Variants in PPP1R7 observed in about 807,000 individuals in gnomAD.
PPP1R7 encodes the protein protein phosphatase 1 regulatory subunit 7.
A neutral mutation model predicts 45.2 loss-of-function variants in PPP1R7; 18 were observed. The observed-to-expected ratio is 0.40, with a 90% CI of 0.28 to 0.59. The LOEUF is 0.59. Among genes scored for constraint, PPP1R7 ranks in the 20% least tolerant of loss-of-function variants. The probability of loss-of-function intolerance (pLI) is 0.46; values close to 1 mark genes in which losing one functional copy is unlikely to be tolerated. For missense variants in PPP1R7, 314 were observed against 455.8 expected (o/e 0.69, Z 2.83); for synonymous variants, 181 against 183.4 (o/e 0.99, Z 0.11).
intron 9 of PPP1R7, among the ~76,000 whole-genome samples, chr2:241,177,294 G>T (rs1402436743): frequency 6.6e-6 from 1 of 151,938 alleles, no homozygotes; most frequent in African/African-American, 2.4e-5. Flanking sequence ...GCACGCGCCT[G>T]TAGTCACCAC....
In PPP1R7 at chr2:241,183,430, G is replaced by C. The variant is rs573360708; in HGVS notation, c.*607G>C. 1 of 471,026 alleles carries C rather than the reference G, an allele frequency of 2.1e-6. No homozygotes were observed. Among genetic ancestry groups the C allele is most frequent in the South Asian group, 1.5e-5 (1 of 64,570 alleles). 29.2% of individuals were successfully genotyped at this position (471,026 alleles called of 1,614,324 possible). On this transcript the variant is annotated 3_prime_UTR_variant, in exon 10 of 10. Coordinates refer to ENST00000234038, the MANE Select transcript of PPP1R7 (RefSeq NM_002712.3). ...GGGCTGACTGTTTTCACGTGTGCCCGTCAGTTCTCGCCACATCCCTTGCCT... is the reference window on the plus strand; with the variant it reads ...GGGCTGACTGTTTTCACGTGTGCCCCTCAGTTCTCGCCACATCCCTTGCCT...
intron 9 of PPP1R7, among the ~76,000 whole-genome samples, chr2:241,176,951 C>G (rs1243505867): frequency 1.3e-5 from 2 of 152,150 alleles, no homozygotes; most frequent in African/African-American, 2.4e-5. Flanking sequence ...CCACATGCAG[C>G]TGGGCACGGT....
chr2:241,157,229 C>G (rs551894138), intron 2 of PPP1R7, among the ~76,000 whole-genome samples: 35 of 152,272 alleles, frequency 2.3e-4, no homozygotes, highest in African/African-American at 7.7e-4. Flanking sequence ...TTCTTTGATC[C>G]TATCTGTTGA....
At chr2:241,169,106 C>A (rs114151267) in intron 8 of PPP1R7, among the ~76,000 whole-genome samples, 2,704 of 152,274 alleles carry the variant, frequency 0.018, 86 homozygotes, top group African/African-American at 0.061. Context: ...AGTAGAAGAT[C>A]CTAAAAACAC....
chr2:241,163,806 G>T (rs948324362), intron 7 of PPP1R7, among the ~76,000 whole-genome samples: 1 of 152,032 alleles, frequency 6.6e-6, no homozygotes, highest in African/African-American at 2.4e-5. Flanking sequence ...GAAGAGATGA[G>T]GTCTCACTAT....
intron 1 of PPP1R7, among the ~76,000 whole-genome samples, chr2:241,150,756 G>A (rs567843439): frequency 3.2e-4 from 48 of 152,110 alleles, no homozygotes; most frequent in Admixed American, 8.5e-4. Flanking sequence ...GGCCGGGAAG[G>A]ACCCAGAGCT....
Position 241,183,109 on chromosome 2 carries a change from TTC to T in PPP1R7, c.*291_*292del, listed in dbSNP as rs1241556803. On this transcript the variant is annotated 3_prime_UTR_variant, in exon 10 of 10. Transcript: ENST00000234038. ...TCATTCGCTAGAAATCCCTGTTTCCTTCTCTCAGAAGGCAGTCACAGTCCCTA... is the reference window on the plus strand; with the variant it reads ...TCATTCGCTAGAAATCCCTGTTTCCTTCTCAGAAGGCAGTCACAGTCCCTA... 7 of 442,158 alleles carry T rather than the reference TTC, an allele frequency of 1.6e-5. No individual in the cohort carries two copies. The highest frequency in any genetic ancestry group is 2.5e-5 in the Non-Finnish European group (6 of 237,156). The allele number at this position is 442,158 out of a possible 1,614,324, so 27.4% of individuals were successfully genotyped here.
At chr2:241,160,132 T>C (rs1343295899) in intron 5 of PPP1R7, among the ~76,000 whole-genome samples, 200 bp from the exon 6 acceptor site, 1 of 152,142 alleles carries the variant, frequency 6.6e-6, no homozygotes, top group Non-Finnish European at 1.5e-5. Context: ...TCCGGGCTCC[T>C]GGGCAGCCTC....
chr2:241,176,421 A>AC (rs1403771790), intron 9 of PPP1R7, among the ~76,000 whole-genome samples: 1 of 152,148 alleles, frequency 6.6e-6, no homozygotes, highest in East Asian at 1.9e-4. Context: ...GCTTGTAAAT[A>AC]CATAAAGCAT....
Position 241,150,554 on chromosome 2 carries a change from G to A in PPP1R7, c.52+7G>A, listed in dbSNP as rs755366347. On this transcript the variant is annotated splice_region_variant and intron_variant, in intron 1 of 9. Transcript: ENST00000234038. ...TCGCAGGAGATGATGGAGGGTGAGC[G>A]GCCCCTGCGGGCGGCGGCCCAAGGG... The A allele has an allele frequency of 1.3e-6, 2 of 1,589,066 alleles. No individual in the cohort carries two copies. The highest frequency in any genetic ancestry group is 1.7e-5 in the Admixed American group (1 of 57,952).
chr2:241,151,389 G>A (rs983859003), intron 1 of PPP1R7: 9 of 466,018 alleles, frequency 1.9e-5, no homozygotes, highest in Non-Finnish European at 3.6e-5. Context: ...GAAGGAGGGC[G>A]GGTGCAGCAG....
chr2:241,163,454 T>A (rs927948760), intron 7 of PPP1R7, 53 bp downstream of exon 7: 1 of 1,245,982 alleles, frequency 8.0e-7, no homozygotes, highest in Non-Finnish European at 1.2e-6. Flanking sequence ...GGGCCAGCGC[T>A]GCTGGACACA....
intron 6 of PPP1R7, among the ~76,000 whole-genome samples, chr2:241,160,906 A>C (rs1232513762): frequency 1.3e-5 from 2 of 151,638 alleles, no homozygotes; most frequent in Non-Finnish European, 2.9e-5. Flanking sequence ...ACTGATGTAC[A>C]TACCGGGGCT....
Position 241,158,507 on chromosome 2 carries a change from C to G in PPP1R7, c.261C>G (p.Arg87=), listed in dbSNP as rs2067511883. 1 of 1,614,036 alleles carries G rather than the reference C, an allele frequency of 6.2e-7. No individual in the cohort carries two copies. Among genetic ancestry groups the G allele is most frequent in the South Asian group, 1.1e-5 (1 of 91,084 alleles). ...AGGATGTTGATTTGAATCACTATCGCATAGGGAAGATTGAAGGATTTGAGG... is the reference window on the plus strand; with the variant it reads ...AGGATGTTGATTTGAATCACTATCGGATAGGGAAGATTGAAGGATTTGAGG... ...DAEDVDLNHY[R]IGKIEGFEVL... Residue 87 remains arginine, a synonymous_variant, in exon 4 of 10, where the codon CGC becomes CGG. Transcript: ENST00000234038.
At chr2:241,160,944 T>A (rs2067575058) in intron 6 of PPP1R7, among the ~76,000 whole-genome samples, 1 of 149,436 alleles carries the variant, frequency 6.7e-6, no homozygotes, top group South Asian at 2.2e-4. Context: ...CATGGTCATC[T>A]TCTCTGGCAT....
chr2:241,158,069 C>A (rs546438504), intron 3 of PPP1R7, among the ~76,000 whole-genome samples: 1 of 152,258 alleles, frequency 6.6e-6, no homozygotes, highest in Admixed American at 6.5e-5. Flanking sequence ...AGATGAGATG[C>A]CTTTGACTCA....
Position 241,159,271 on chromosome 2 carries a change from G to A in PPP1R7, c.362G>A (p.Ser121Asn), listed in dbSNP as rs766016644. 6.2e-7 allele frequency: 1 copy of A among 1,613,832 alleles called. No homozygotes were observed. Among genetic ancestry groups the A allele is most frequent in the South Asian group, 1.1e-5 (1 of 91,080 alleles). The change falls in exon 5 of 10, where the codon AGT (serine) becomes AAT (asparagine). Residue 121 changes from serine (S) to asparagine (N), a missense_variant. By Grantham distance (46) the Ser-to-Asn change is conservative (BLOSUM62 1). Transcript: ENST00000234038. ...ATTGAGAATCTGGAGGAGCTACAGA[G>A]TCTTCGAGAGCTGGATCTTTACGAC... ...KCIENLEELQ[S>N]LRELDLYDNQ...
intron 9 of PPP1R7, among the ~76,000 whole-genome samples, chr2:241,173,918 T>TTA (rs1054996744): frequency 5.0e-4 from 75 of 150,632 alleles, no homozygotes; most frequent in Middle Eastern, 3.4e-3. Flanking sequence ...TTGGCTTTAT[T>TTA]TTTTTTTTTT....
At chr2:241,150,367 C>T, upstream of PPP1R7, 2 of 1,346,008 alleles carry the variant, frequency 1.5e-6, no homozygotes, top group Non-Finnish European at 1.9e-6. Context: ...GGCGCTGGGC[C>T]CACGCAGGCG....
Sources: gnomAD v4.1 joint callset for allele counts (sites outside exome capture counted in the v4.1 genomes callset) on GRCh38, gnomAD v4.1.1 for gene constraint, MANE v1.5 for transcripts, NCBI Gene and HGNC (gene_info 2026-07-23, HGNC 2026-07-21) for gene names.